Variants in LMBR1 observed in about 807,000 individuals in gnomAD.
LMBR1 encodes the protein limb development membrane protein 1.
Under a neutral mutation model 73.9 loss-of-function variants are expected in LMBR1, and 52 were observed. The observed-to-expected ratio is 0.70, with a 90% confidence interval of 0.56 to 0.89. The LOEUF (loss-of-function observed/expected upper bound fraction) is 0.89. Ranked by LOEUF, LMBR1 falls within the 40% of genes least tolerant of loss-of-function variation. The pLI is 0.00. For missense variants in LMBR1, 539 were observed against 579.8 expected (o/e 0.93, Z 0.72); for synonymous variants, 215 against 209.4 (o/e 1.03, Z -0.23).
intron 1 of LMBR1, among the ~76,000 whole-genome samples, chr7:156,848,281 G>A (rs181182576): frequency 5.9e-5 from 9 of 152,138 alleles, no homozygotes; most frequent in African/African-American, 9.6e-5. Context: ...AATATCAACC[G>A]TAAATGACAA....
chr7:156,700,584 G>A (rs949691033), intron 15 of LMBR1, among the ~76,000 whole-genome samples: 7 of 151,886 alleles, frequency 4.6e-5, no homozygotes, highest in African/African-American at 1.5e-4. Context: ...GCTCCAGTTC[G>A]CAACAAGTTC....
At chr7:156,788,650 A>G (rs990519911) in intron 5 of LMBR1, among the ~76,000 whole-genome samples, 1 of 152,108 alleles carries the variant, frequency 6.6e-6, no homozygotes, top group Non-Finnish European at 1.5e-5. Context: ...TCATAAATAT[A>G]TAATATTGAT....
intron 5 of LMBR1, among the ~76,000 whole-genome samples, chr7:156,795,606 C>T (rs569963537): frequency 6.6e-6 from 1 of 152,302 alleles, no homozygotes; most frequent in East Asian, 1.9e-4. Context: ...GGCTGGAGTG[C>T]AGTGACGCAA....
intron 3 of LMBR1, among the ~76,000 whole-genome samples, chr7:156,828,594 T>A (rs1252150721): frequency 6.6e-6 from 1 of 152,174 alleles, no homozygotes; most frequent in Non-Finnish European, 1.5e-5. Flanking sequence ...TCACTGAATA[T>A]AACTAGTGTA....
chr7:156,817,006 A>G (rs987000084), intron 4 of LMBR1, among the ~76,000 whole-genome samples: 62 of 152,304 alleles, frequency 4.1e-4, no homozygotes, highest in African/African-American at 1.4e-3. Flanking sequence ...ACCCTAAAAA[A>G]TTCAGCAACA....
chr7:156,693,593 G>GA (rs1465864751), intron 15 of LMBR1, among the ~76,000 whole-genome samples: 3 of 152,088 alleles, frequency 2.0e-5, no homozygotes, highest in African/African-American at 4.8e-5. Flanking sequence ...ACTAACTTTA[G>GA]AAGAAATAGA....
intron 4 of LMBR1, among the ~76,000 whole-genome samples, chr7:156,803,981 C>T (rs1429196559): frequency 4.9e-5 from 5 of 102,176 alleles, no homozygotes; most frequent in Non-Finnish European, 7.3e-5. Context: ...TATCACACAC[C>T]GGGGACTGTT....
chr7:156,778,334 G>A (rs1826521264), intron 5 of LMBR1, among the ~76,000 whole-genome samples: 1 of 152,160 alleles, frequency 6.6e-6, no homozygotes, highest in African/African-American at 2.4e-5. Flanking sequence ...GATTATGCTT[G>A]TCCTATGAAA....
chr7:156,864,751 C>T (rs1318845151), intron 1 of LMBR1, among the ~76,000 whole-genome samples: 2 of 151,998 alleles, frequency 1.3e-5, no homozygotes, highest in African/African-American at 4.8e-5. Context: ...AATCTCAGCA[C>T]TTTGGGAGGC....
chr7:156,708,187 G>A (rs982583009), intron 15 of LMBR1, among the ~76,000 whole-genome samples: 5 of 152,136 alleles, frequency 3.3e-5, no homozygotes, highest in African/African-American at 1.2e-4. Flanking sequence ...AGTGCGCGGA[G>A]ACTCACACCA....
At chr7:156,674,264 G>A (rs1486789331), downstream of LMBR1, among the ~76,000 whole-genome samples, 8 of 152,134 alleles carry the variant, frequency 5.3e-5, no homozygotes, top group African/African-American at 9.7e-5. Flanking sequence ...GCCACCCCCC[G>A]GGCCTGGAGA....
At chr7:156,762,249 A>T in intron 7 of LMBR1, 51 bp from the exon 8 acceptor site, 1 of 1,152,100 alleles carries the variant, frequency 8.7e-7, no homozygotes, top group Non-Finnish European at 1.3e-6. Context: ...TAGAGCTTGG[A>T]GAAAGAGATA....
At chr7:156,830,929 C>T (rs1411936433) in intron 3 of LMBR1, among the ~76,000 whole-genome samples, 1 of 152,164 alleles carries the variant, frequency 6.6e-6, no homozygotes, top group Non-Finnish European at 1.5e-5. Flanking sequence ...CCAAGGAGGG[C>T]TTATCCTGGA....
chr7:156,726,793 G>A (rs535483856), intron 12 of LMBR1, among the ~76,000 whole-genome samples: 1 of 152,190 alleles, frequency 6.6e-6, no homozygotes, highest in East Asian at 1.9e-4. Context: ...CTGCGAAGCA[G>A]GCCATAAGAC....
intron 15 of LMBR1, among the ~76,000 whole-genome samples, chr7:156,693,650 A>G (rs1480853299): frequency 6.6e-6 from 1 of 152,188 alleles, no homozygotes; most frequent in Non-Finnish European, 1.5e-5. Context: ...ACTAATCAAA[A>G]CTTTCCAGCA....
intron 1 of LMBR1, among the ~76,000 whole-genome samples, chr7:156,862,244 A>G (rs1256079666): frequency 1.3e-5 from 2 of 152,202 alleles, no homozygotes; most frequent in Non-Finnish European, 2.9e-5. Context: ...CAAAGAGAGA[A>G]GTTTGTGCAG....
chr7:156,733,784 A>G (rs1444711412), intron 10 of LMBR1: 1 of 153,916 alleles, frequency 6.5e-6, no homozygotes, highest in African/African-American at 2.4e-5. Flanking sequence ...TCTAAGAAGC[A>G]TGAAGAAAAC....
chr7:156,752,490 G>C (rs964130749), intron 9 of LMBR1, among the ~76,000 whole-genome samples: 3 of 152,210 alleles, frequency 2.0e-5, no homozygotes, highest in African/African-American at 7.2e-5. Flanking sequence ...AGAAGAGATG[G>C]AATCCAGGGC....
In LMBR1 at chr7:156,728,665, C is replaced by T. The variant is rs374028046; in HGVS notation, c.894G>A (p.Met298Ile). The T allele has an allele frequency of 2.5e-6, 4 of 1,599,452 alleles. No individual in the cohort carries two copies. Among genetic ancestry groups the T allele is most frequent in the Non-Finnish European group, 3.4e-6 (4 of 1,176,356 alleles). ...WERNLVYPAVMVLLLIETSIS... is the reference protein window; with the variant it reads ...WERNLVYPAVIVLLLIETSIS... ...TTACTGTCTCAATAAGAAGGAGAAC[C>T]ATAACAGCGGGATACACCAAATTTC... is the stretch of plus-strand genomic sequence containing the variant. The change falls in exon 11 of 17, where the codon ATG becomes ATA. Residue 298 changes from methionine to isoleucine, a missense_variant. By Grantham distance (10) the Met-to-Ile change is conservative (BLOSUM62 1). Coordinates refer to ENST00000353442, the MANE Select transcript of LMBR1 (RefSeq NM_022458.4).
Sources: allele counts gnomAD v4.1 joint callset (sites outside exome capture counted in the v4.1 genomes callset), GRCh38; gene constraint gnomAD v4.1.1; transcripts MANE v1.5; gene names NCBI Gene and HGNC (gene_info 2026-07-23, HGNC 2026-07-21).